WNK2: variants seen among roughly 807,000 people sequenced by gnomAD.
WNK2 encodes the protein serine/threonine-protein kinase WNK2.
Under a neutral mutation model 192.1 loss-of-function variants are expected in WNK2, and 67 were observed. The observed-to-expected ratio is 0.35, with a 90% CI of 0.29 to 0.43. The LOEUF is 0.43. WNK2 is among the 20% of genes least tolerant of loss of function. WNK2 has a pLI of 1.00. For synonymous variants in WNK2, 1,439 were observed against 1,393.9 expected (o/e 1.03, Z -0.72); for missense variants, 2,698 against 3,089.7 (o/e 0.87, Z 3.01).
chr9:93,190,532 CATTTGCCATTGCAAATGATTTG>C (rs1403299370), intron 2 of WNK2, among the ~76,000 whole-genome samples: 1 of 152,260 alleles, frequency 6.6e-6, no homozygotes, highest in East Asian at 1.9e-4. Flanking sequence ...CCCCACATGC[CATTTGCCATTGCAAATGATTTG>C]ATTTGCCATT....
intron 2 of WNK2, among the ~76,000 whole-genome samples, chr9:93,201,279 C>T (rs148812617): frequency 6.6e-6 from 1 of 152,246 alleles, no homozygotes; most frequent in Non-Finnish European, 1.5e-5. Context: ...TGGGCTGAGA[C>T]TGTTCCGAGC....
intron 3 of WNK2, among the ~76,000 whole-genome samples, chr9:93,230,356 C>T (rs538799962): frequency 5.3e-5 from 8 of 152,284 alleles, no homozygotes; most frequent in South Asian, 2.1e-4. Flanking sequence ...GCCCCTCAGC[C>T]GGGCAGTTTC....
rs369788684 is a variant in WNK2, at chr9:93,267,927, G to C, written c.3867+11G>C. On this transcript the variant is annotated intron_variant, in intron 17 of 29. Coordinates refer to ENST00000427277, the MANE Select transcript of WNK2 (RefSeq NM_006648.4). ...CTGGGCACCGGGGAGGTGAGGTTGT[G>C]AAATCCGGGGTGGGAGGTGGTGAGA... 1.8e-5 allele frequency: 29 copies of C among 1,611,510 alleles called. No individual in the cohort carries two copies. The highest frequency in any genetic ancestry group is 2.4e-5 in the Non-Finnish European group (28 of 1,178,784).
intron 12 of WNK2, among the ~76,000 whole-genome samples, chr9:93,260,537 G>T (rs529737263): frequency 2.0e-5 from 3 of 152,286 alleles, no homozygotes; most frequent in African/African-American, 7.2e-5. Context: ...ATGTGAAGGG[G>T]CCTGGGGTGG....
At chr9:93,231,361 C>G (rs1838766531) in intron 4 of WNK2, among the ~76,000 whole-genome samples, 2 of 152,244 alleles carry the variant, frequency 1.3e-5, no homozygotes, top group Non-Finnish European at 2.9e-5. Flanking sequence ...GCCTCCCTCC[C>G]CTGCTGCCCC....
rs747323091 is a variant in WNK2 at position 93,185,437 on chromosome 9, C to T, written c.508C>T (p.Arg170Trp). Residue 170 changes from arginine (R) to tryptophan (W), a missense_variant, in exon 2 of 30, where the codon CGG (arginine) becomes TGG (tryptophan). By Grantham distance (101) the Arg-to-Trp change is moderately radical. This residue lies in a region of WNK2 where 260 missense variants were observed against 285.6 expected (regional missense o/e 0.91). Coordinates refer to ENST00000427277, the MANE Select transcript of WNK2 (RefSeq NM_006648.4). The part of the protein sequence containing the change: ...EAKPEPGRTR[R>W]DEPEEEEDDE... Reference sequence around the variant, plus strand: ...GAAGCCTGAGCCCGGGCGCACTCGCCGGGACGAGCCCGAAGAGGAGGAGGA... The same window carrying T: ...GAAGCCTGAGCCCGGGCGCACTCGCTGGGACGAGCCCGAAGAGGAGGAGGA... The T allele has an allele frequency of 3.1e-6, 5 of 1,611,884 alleles. No individual in the cohort carries two copies. The South Asian group carries it at 3.3e-5, about 11-fold the overall frequency.
rs149907117 is a variant in WNK2 at position 93,277,147 on chromosome 9, G to A, written c.4033+8401G>A. On this transcript the variant is annotated intron_variant, in intron 19 of 29. Transcript: ENST00000427277. ...GAGTTGTTCAATATTATTGACTACT[G>A]GGGAAATGCAAATTAAAGCAGCCAC... Among the ~76,000 whole-genome samples the A allele has an allele frequency of 3.3e-3, 499 of 152,250 alleles. 5 individuals are homozygous for A. Among genetic ancestry groups the A allele is most frequent in the African/African-American group, 0.011 (477 of 41,542 alleles).
chr9:93,317,672 G>T, intron 29 of WNK2, 41 bp downstream of exon 29: 1 of 1,591,836 alleles, frequency 6.3e-7, no homozygotes. Context: ...CCTGTGCGCT[G>T]CCTCTGGGTC....
Position 93,289,189 on chromosome 9 carries a change from G to T in WNK2, c.4435G>T (p.Ala1479Ser). The change falls in exon 20 of 30, where the codon GCA (alanine) becomes TCA (serine). Residue 1479 changes from alanine (A) to serine (S), a missense_variant. Physicochemically the swap from Ala to Ser is moderately conservative, Grantham distance 99. Transcript: ENST00000427277. ...CCCAAGGGAGCCCCTGCCACCTCCT[G>T]CACCTGAGCCCAGCCCCCACAGCGG... ...SAPREPLPPP[A>S]PEPSPHSGTP... 7 of 1,601,704 alleles carry T rather than the reference G, an allele frequency of 4.4e-6. No individual in the cohort carries two copies. Among genetic ancestry groups the T allele is most frequent in the Non-Finnish European group, 6.0e-6 (7 of 1,176,408 alleles).
chr9:93,235,982 C>G (rs370245411), intron 5 of WNK2, among the ~76,000 whole-genome samples: 1 of 152,172 alleles, frequency 6.6e-6, no homozygotes, highest in Non-Finnish European at 1.5e-5. Context: ...TCCTGTGTGC[C>G]CCTGAGGAAG....
chr9:93,254,836 TTGC>T (rs1452123747), intron 9 of WNK2, among the ~76,000 whole-genome samples: 2 of 152,148 alleles, frequency 1.3e-5, no homozygotes, highest in Non-Finnish European at 2.9e-5. Flanking sequence ...AAAAGGCTAC[TTGC>T]TGCTCCAGAG....
chr9:93,235,349 G>A (rs1031587478), intron 5 of WNK2, among the ~76,000 whole-genome samples: 6 of 152,244 alleles, frequency 3.9e-5, no homozygotes, highest in Non-Finnish European at 7.3e-5. Context: ...ACTCTGGGCC[G>A]CCCATGGCTG....
Position 93,268,051 on chromosome 9 carries a change from T to G in WNK2, c.3899T>G (p.Val1300Gly). 6.2e-7 allele frequency: 1 copy of G among 1,611,850 alleles called. No individual in the cohort carries two copies. The highest frequency in any genetic ancestry group is 1.3e-5 in the African/African-American group (1 of 74,968). ...ESRQSQANAP[V>G]YQQNVLHTGK... ...CGACAATCCCAAGCCAACGCCCCCG[T>G]GTATCAGCAGAACGGTGAGTCTGCA... Residue 1300 changes from valine to glycine, a missense_variant, in exon 18 of 30, where the codon GTG becomes GGG. Around this residue, in one of 7 missense-constraint regions of WNK2, gnomAD observed 1,098 missense variants for 1,101.0 expected, o/e 1.00. Transcript: ENST00000427277.
chr9:93,196,256 T>C (rs1405143612), intron 2 of WNK2, among the ~76,000 whole-genome samples: 1 of 152,054 alleles, frequency 6.6e-6, no homozygotes, highest in Non-Finnish European at 1.5e-5. Flanking sequence ...CACCCCTGCT[T>C]TCTGGGCACT....
At chr9:93,198,543 T>C (rs548762857) in intron 2 of WNK2, among the ~76,000 whole-genome samples, 1 of 151,784 alleles carries the variant, frequency 6.6e-6, no homozygotes, top group Non-Finnish European at 1.5e-5. Flanking sequence ...TGCCCGGGCA[T>C]TGGGTTTCAT....
chr9:93,301,954 C>T (rs1851686275), intron 26 of WNK2, among the ~76,000 whole-genome samples: 1 of 152,220 alleles, frequency 6.6e-6, no homozygotes, highest in Non-Finnish European at 1.5e-5. Context: ...AGGTGGGCCT[C>T]TGCCCTGGGC....
intron 2 of WNK2, 95 bp downstream of exon 2, chr9:93,185,705 GC>G: frequency 7.0e-7 from 1 of 1,430,748 alleles, no homozygotes; most frequent in South Asian, 1.2e-5. Context: ...GCCTTAAGAA[GC>G]CCTGGGGGCG....
chr9:93,245,171 A>G (rs574379242), intron 7 of WNK2, among the ~76,000 whole-genome samples: 2 of 152,376 alleles, frequency 1.3e-5, no homozygotes, highest in South Asian at 4.1e-4. Context: ...CAAGGACACT[A>G]CAAAGAACCA....
chr9:93,216,971 T>G (rs1835856066), intron 2 of WNK2, among the ~76,000 whole-genome samples: 1 of 152,138 alleles, frequency 6.6e-6, no homozygotes, highest in Admixed American at 6.5e-5. Context: ...AAAATCTTTT[T>G]TTTTTTGAGA....
Sources: allele counts gnomAD v4.1 joint callset (sites outside exome capture counted in the v4.1 genomes callset), GRCh38; gene constraint gnomAD v4.1.1; regional missense constraint gnomAD v4.1.1; transcripts MANE v1.5; gene names NCBI Gene and HGNC (gene_info 2026-07-23, HGNC 2026-07-21).